The following SLIT3 variants were observed in gnomAD, a reference collection of about 807,000 sequenced individuals.
The protein encoded by SLIT3 is slit homolog 3 protein.
SLIT3 carries 68 observed loss-of-function variants against 184.0 expected under a neutral mutation model. The observed-to-expected ratio is 0.37, with a 90% CI of 0.30 to 0.45. The LOEUF is 0.45. SLIT3 is among the 20% of genes least tolerant of loss of function. SLIT3 has a pLI of 1.00. For missense variants in SLIT3, 1,707 were observed against 2,026.0 expected (o/e 0.84, Z 3.02); for synonymous variants, 831 against 828.6 (o/e 1.00, Z -0.05).
chr5:169,198,333 T>C (rs1270233991), intron 3 of SLIT3, among the ~76,000 whole-genome samples: 1 of 152,314 alleles, frequency 6.6e-6, no homozygotes, highest in Middle Eastern at 3.4e-3. Flanking sequence ...GTTTTGAGTT[T>C]AGTTTTAAAG....
chr5:169,132,824 T>C (rs1761355341), intron 4 of SLIT3, among the ~76,000 whole-genome samples: 2 of 152,236 alleles, frequency 1.3e-5, no homozygotes. Context: ...CCTCTGGACA[T>C]TTATTTTATA....
At chr5:168,755,726 A>G (rs551448417) in intron 16 of SLIT3, among the ~76,000 whole-genome samples, 2 of 152,268 alleles carry the variant, frequency 1.3e-5, no homozygotes, top group Admixed American at 1.3e-4. Flanking sequence ...ATGAGCCGCC[A>G]TGCCTGGCTG....
At chr5:169,027,402 G>C (rs969079210) in intron 4 of SLIT3, among the ~76,000 whole-genome samples, 11 of 152,138 alleles carry the variant, frequency 7.2e-5, no homozygotes, top group African/African-American at 2.7e-4. Context: ...GTTTAAACAA[G>C]TATTTAAATT....
intron 4 of SLIT3, among the ~76,000 whole-genome samples, chr5:168,916,515 C>A (rs111804514): frequency 2.0e-5 from 3 of 152,248 alleles, no homozygotes; most frequent in African/African-American, 7.2e-5. Flanking sequence ...CCGGATGCAT[C>A]CAGCACTGTC....
At chr5:169,083,490 C>A (rs1759154300) in intron 4 of SLIT3, among the ~76,000 whole-genome samples, 1 of 152,172 alleles carries the variant, frequency 6.6e-6, no homozygotes, top group South Asian at 2.1e-4. Context: ...TATCAGCACG[C>A]CTTAAACTTA....
chr5:168,886,522 G>A (rs950715498), intron 4 of SLIT3, among the ~76,000 whole-genome samples: 4 of 152,150 alleles, frequency 2.6e-5, no homozygotes, highest in African/African-American at 4.8e-5. Context: ...AGAGCCTAGC[G>A]CTGGCCAATT....
chr5:169,299,949 C>T (rs547136546), intron 1 of SLIT3, among the ~76,000 whole-genome samples: 1 of 152,178 alleles, frequency 6.6e-6, no homozygotes. Context: ...CCAGGCAGAG[C>T]GGGTTTTGCG....
At chr5:168,879,167 A>C (rs1453491535) in intron 5 of SLIT3, among the ~76,000 whole-genome samples, 1 of 152,226 alleles carries the variant, frequency 6.6e-6, no homozygotes, top group East Asian at 1.9e-4. Flanking sequence ...TTGTCATTTT[A>C]CATAGCATGC....
At chr5:168,850,528 A>C (rs2113726262) in intron 5 of SLIT3, among the ~76,000 whole-genome samples, 1 of 152,350 alleles carries the variant, frequency 6.6e-6, no homozygotes, top group African/African-American at 2.4e-5. Flanking sequence ...TGGTATAGCC[A>C]GTTACATTTA....
At position 168,673,282 on chromosome 5, in the gene SLIT3, G is replaced by C; in HGVS notation, c.3736C>G (p.Leu1246Val). 6.2e-7 allele frequency: 1 copy of C among 1,614,120 alleles called. No homozygotes were observed. The highest frequency in any genetic ancestry group is 8.5e-7 in the Non-Finnish European group (1 of 1,180,024). Reference protein sequence around the residue: ...GQFHSVELVTLNQTLNLVVDK... With the variant: ...GQFHSVELVTVNQTLNLVVDK... ...ACTACTAGGTTCAGGGTCTGGTTTA[G>C]CGTCACCAGCTCCACACTGTGAAAC... The change falls in exon 33 of 36, where the codon CTA becomes GTA. Residue 1246 changes from leucine to valine, a missense_variant. Coordinates refer to ENST00000519560, the MANE Select transcript of SLIT3 (RefSeq NM_003062.4).
chr5:168,923,955 C>T (rs915076604), intron 4 of SLIT3, among the ~76,000 whole-genome samples: 6 of 152,246 alleles, frequency 3.9e-5, no homozygotes, highest in South Asian at 2.1e-4. Flanking sequence ...ATGTTGTCTA[C>T]GGCTGCTTTT....
chr5:169,181,877 C>T (rs527652465), intron 4 of SLIT3, among the ~76,000 whole-genome samples: 106 of 152,178 alleles, frequency 7.0e-4, no homozygotes, highest in Admixed American at 2.4e-3. Context: ...CTTGAAAATC[C>T]AGTTTTCTTC....
chr5:168,753,822 C>G, intron 17 of SLIT3, 42 bp downstream of exon 17: 1 of 1,591,270 alleles, frequency 6.3e-7, no homozygotes, highest in Non-Finnish European at 8.6e-7. Flanking sequence ...GCCCTCCCGT[C>G]TCCCTCTGGG....
chr5:168,913,254 A>C (rs1351568312), intron 4 of SLIT3, among the ~76,000 whole-genome samples: 1 of 150,182 alleles, frequency 6.7e-6, no homozygotes, highest in Non-Finnish European at 1.5e-5. Context: ...AACTGCAATT[A>C]GTTTTGCACC....
intron 32 of SLIT3, among the ~76,000 whole-genome samples, chr5:168,676,213 G>A (rs778967622): frequency 2.6e-5 from 4 of 151,348 alleles, no homozygotes; most frequent in East Asian, 1.9e-4. Flanking sequence ...CCCTTCATCC[G>A]CCCACCCACC....
rs574598489 is a variant in SLIT3, at chr5:168,940,347, A to G, written c.414-57011T>C. 8.9e-4 allele frequency among the ~76,000 whole-genome samples: 135 copies of G among 152,340 alleles called. No individual in the cohort carries two copies. The Middle Eastern group carries it at 0.017, about 19-fold the overall frequency. ...GTTCTTTGTGCAGTGTGGTGATTCC[A>G]GAGAAAGAAGGTGATTCCCCATAGC... On this transcript the variant is annotated intron_variant, in intron 4 of 35. Transcript: ENST00000519560.
intron 1 of SLIT3, among the ~76,000 whole-genome samples, chr5:169,286,667 T>C (rs752857051): frequency 6.6e-6 from 1 of 152,192 alleles, no homozygotes. Flanking sequence ...TTCTTTCCAC[T>C]ACACCATGCT....
chr5:169,279,833 CTA>C (rs1262731935), intron 1 of SLIT3, among the ~76,000 whole-genome samples: 2 of 152,180 alleles, frequency 1.3e-5, no homozygotes, highest in Non-Finnish European at 2.9e-5. Context: ...TGTTCCTCAT[CTA>C]TAAAATGAAC....
chr5:169,284,683 G>A (rs1032719621), intron 1 of SLIT3, among the ~76,000 whole-genome samples: 1 of 152,180 alleles, frequency 6.6e-6, no homozygotes, highest in Admixed American at 6.5e-5. Flanking sequence ...ACAATGAGAA[G>A]TGATGGAATT....
Sources: allele counts gnomAD v4.1 joint callset (sites outside exome capture counted in the v4.1 genomes callset), GRCh38; gene constraint gnomAD v4.1.1; transcripts MANE v1.5; gene names NCBI Gene and HGNC (gene_info 2026-07-23, HGNC 2026-07-21).